The following MAD1L1 variants were observed in gnomAD, a reference collection of about 807,000 sequenced individuals.
MAD1L1 encodes the protein mitotic arrest deficient 1 like 1, also known as mitotic spindle assembly checkpoint protein MAD1.
Under a neutral mutation model 96.9 loss-of-function variants are expected in MAD1L1, and 95 were observed. The ratio of observed to expected loss-of-function variants is 0.98; its 90% confidence interval spans 0.83 to 1.16. The LOEUF is 1.16. MAD1L1 is among the 50% of genes most tolerant of loss of function. MAD1L1 has a pLI of 0.00. For missense variants in MAD1L1, 1,007 were observed against 954.4 expected, an observed-to-expected ratio of 1.06 and a Z score of -0.73; for synonymous variants, 473 against 396.6, an observed-to-expected ratio of 1.19 and a Z score of -2.29.
intron 11 of MAD1L1, among the ~76,000 whole-genome samples, chr7:2,145,484 C>A (rs1299709922): frequency 1.3e-5 from 2 of 152,262 alleles, no homozygotes; most frequent in African/African-American, 4.8e-5. Flanking sequence ...CAGCTCACAG[C>A]AGCGTTTGGA....
chr7:2,037,287 C>T (rs1322493597), intron 12 of MAD1L1, among the ~76,000 whole-genome samples: 1 of 151,876 alleles, frequency 6.6e-6, no homozygotes, highest in East Asian at 1.9e-4. Flanking sequence ...TATTCCACAC[C>T]CAGGTGCCCC....
rs1382694341 is a variant in MAD1L1, at chr7:2,103,964, A to G, written c.1074-34626T>C. Among the ~76,000 whole-genome samples, 4 of 152,236 alleles carry G rather than the reference A, an allele frequency of 2.6e-5. No homozygotes were observed. The highest frequency in any genetic ancestry group is 6.5e-5 in the Admixed American group (1 of 15,288). ...GCCCCCAGACACATGGCAGAGAATC[A>G]AATATGCAGCCGGTGTCTGGAAATC... On this transcript the variant is annotated intron_variant, in intron 11 of 18. Coordinates refer to ENST00000265854, the MANE Select transcript of MAD1L1 (RefSeq NM_001013836.2). This position sits in a 1 kb window ranked among gnomAD's most constrained non-coding sequence, Gnocchi z 4.3.
At chr7:2,032,382 C>A (rs1418867547) in intron 12 of MAD1L1, among the ~76,000 whole-genome samples, 1 of 152,208 alleles carries the variant, frequency 6.6e-6, no homozygotes. Flanking sequence ...TGCTAACGGG[C>A]AGGTGGGAAA....
Position 1,968,264 on chromosome 7 carries a change from G to C in MAD1L1, c.1506-10545C>G, listed in dbSNP as rs1056295837. Among the ~76,000 whole-genome samples, 2 of 151,320 alleles carry C rather than the reference G, an allele frequency of 1.3e-5. No individual in the cohort carries two copies. Among genetic ancestry groups the C allele is most frequent in the Non-Finnish European group, 3.0e-5 (2 of 67,794 alleles). On this transcript the variant is annotated intron_variant, in intron 15 of 18. Coordinates refer to ENST00000265854, the MANE Select transcript of MAD1L1 (RefSeq NM_001013836.2). This position sits in a 1 kb window ranked among gnomAD's most constrained non-coding sequence, Gnocchi z 5.6. ...GGTCAGGTCCACCGTCAACACCAGCGGTCTTGTCCACATCAACGCCTCAGT... is the reference window on the plus strand; with the variant it reads ...GGTCAGGTCCACCGTCAACACCAGCCGTCTTGTCCACATCAACGCCTCAGT...
intron 16 of MAD1L1, 151 bp downstream of exon 16, chr7:1,957,478 A>T: frequency 1.3e-6 from 1 of 773,656 alleles, no homozygotes; most frequent in Non-Finnish European, 2.1e-6. Flanking sequence ...CCTCCCTGCC[A>T]GGCAAGGGGG....
chr7:2,114,726 C>T lies in MAD1L1; in HGVS notation c.1073+34426G>A, dbSNP rs1258440748. ...CAGCCACCCAGAATCAAATACGAATCGCCGCTGCCGCTCTCACAGCACGAT... is the reference window on the plus strand; with the variant it reads ...CAGCCACCCAGAATCAAATACGAATTGCCGCTGCCGCTCTCACAGCACGAT... On this transcript the variant is annotated intron_variant, in intron 11 of 18. Coordinates refer to ENST00000265854, the MANE Select transcript of MAD1L1 (RefSeq NM_001013836.2). This position sits in a 1 kb window ranked among gnomAD's most constrained non-coding sequence, Gnocchi z 4.2. Among the ~76,000 whole-genome samples the T allele has an allele frequency of 1.3e-5, 2 of 152,236 alleles. No individual in the cohort carries two copies. The highest frequency in any genetic ancestry group is 2.9e-5 in the Non-Finnish European group (2 of 68,042).
chr7:1,983,396 T>G lies in MAD1L1; in HGVS notation c.1417-2855A>C, dbSNP rs138476035. 2.9e-4 allele frequency among the ~76,000 whole-genome samples: 44 copies of G among 152,350 alleles called. No individual in the cohort carries two copies. In the East Asian group the frequency reaches 7.3e-3, roughly 25 times the overall value. ...GTGGGGGAGAGCAGCCATGGCAATT[T>G]TGGGACAACGTTTTTCTACAGTAAT... is the stretch of plus-strand genomic sequence containing the variant. On this transcript the variant is annotated intron_variant, in intron 14 of 18. Coordinates refer to ENST00000265854, the MANE Select transcript of MAD1L1 (RefSeq NM_001013836.2).
At chr7:2,059,974 A>T (rs1320949429) in intron 12 of MAD1L1, among the ~76,000 whole-genome samples, 1 of 152,208 alleles carries the variant, frequency 6.6e-6, no homozygotes, top group Non-Finnish European at 1.5e-5. Context: ...ACTTGCTGAG[A>T]GAAATTAAAG....
At chr7:2,034,942 T>C (rs1247399826) in intron 12 of MAD1L1, among the ~76,000 whole-genome samples, 2 of 152,158 alleles carry the variant, frequency 1.3e-5, no homozygotes, top group Non-Finnish European at 2.9e-5. Flanking sequence ...AGTCCAGTGG[T>C]CAGAGCACTC....
intron 11 of MAD1L1, among the ~76,000 whole-genome samples, chr7:2,101,652 C>T (rs1366435198): frequency 6.6e-6 from 1 of 152,208 alleles, no homozygotes; most frequent in African/African-American, 2.4e-5. Context: ...GGAGGCTGTG[C>T]ACCTGGACCC....
intron 18 of MAD1L1, among the ~76,000 whole-genome samples, chr7:1,874,334 C>A (rs1050123229): frequency 2.6e-5 from 4 of 152,032 alleles, no homozygotes; most frequent in Non-Finnish European, 5.9e-5. Context: ...GAGGGGGTGA[C>A]CGTGGCTTGG....
At chr7:2,156,821 C>CAA (rs796679600) in intron 10 of MAD1L1, among the ~76,000 whole-genome samples, 152 of 91,560 alleles carry the variant, frequency 1.7e-3, no homozygotes, top group African/African-American at 4.9e-3. Context: ...GACTCCATCT[C>CAA]AAAAAAAAAA....
intron 10 of MAD1L1, among the ~76,000 whole-genome samples, chr7:2,150,654 G>C (rs970881494): frequency 6.6e-6 from 1 of 152,218 alleles, no homozygotes; most frequent in Non-Finnish European, 1.5e-5. Context: ...GGTGTTTCTG[G>C]AGTGTCTTCC....
chr7:2,092,509 C>G (rs1273354422), intron 11 of MAD1L1, among the ~76,000 whole-genome samples: 1 of 152,154 alleles, frequency 6.6e-6, no homozygotes, highest in Non-Finnish European at 1.5e-5. Flanking sequence ...CTCCCTCACA[C>G]ACCTGCCCTC....
chr7:2,198,015 C>T (rs915267062), intron 10 of MAD1L1, among the ~76,000 whole-genome samples: 3 of 152,046 alleles, frequency 2.0e-5, no homozygotes, highest in South Asian at 2.1e-4. Flanking sequence ...AGGCCCAGGA[C>T]GGGGCAACCA....
At chr7:1,981,386 C>T (rs1054436049) in intron 14 of MAD1L1, among the ~76,000 whole-genome samples, 12 of 152,128 alleles carry the variant, frequency 7.9e-5, no homozygotes, top group South Asian at 2.1e-4. Flanking sequence ...AGGGCACAGA[C>T]GGGGGCCTGG....
At chr7:2,108,815 A>G (rs965840680) in intron 11 of MAD1L1, among the ~76,000 whole-genome samples, 3 of 152,234 alleles carry the variant, frequency 2.0e-5, no homozygotes, top group African/African-American at 7.2e-5. Flanking sequence ...GGGACGCGGC[A>G]GGAGCGGCTG....
At chr7:2,143,604 C>A (rs1041456931) in intron 11 of MAD1L1, among the ~76,000 whole-genome samples, 4 of 151,876 alleles carry the variant, frequency 2.6e-5, no homozygotes, top group Non-Finnish European at 5.9e-5. Context: ...TGACAAGGGC[C>A]TGACTCCTCC....
At chr7:2,036,467 T>C (rs529041244) in intron 12 of MAD1L1, among the ~76,000 whole-genome samples, 8 of 152,348 alleles carry the variant, frequency 5.3e-5, no homozygotes, top group African/African-American at 1.7e-4. Context: ...GAGTCCTCTC[T>C]GGATGAAGTG....
Sources: gnomAD v4.1 joint callset for allele counts (sites outside exome capture counted in the v4.1 genomes callset) on GRCh38, gnomAD v4.1.1 for gene constraint, Gnocchi (gnomAD v3.1) non-coding constraint, MANE v1.5 for transcripts, NCBI Gene and HGNC (gene_info 2026-07-23, HGNC 2026-07-21) for gene names.